EBF3: variants seen among roughly 807,000 people sequenced by gnomAD.
EBF3 encodes the protein EBF transcription factor 3.
In EBF3, 18 loss-of-function variants were observed where a neutral mutation model predicts 77.1. The observed-to-expected ratio is 0.23, with a 90% CI of 0.16 to 0.35. The LOEUF (loss-of-function observed/expected upper bound fraction) is 0.35. Among genes scored for constraint, EBF3 ranks in the 10% least tolerant of loss-of-function variants. EBF3 has a pLI of 1.00. For missense variants in EBF3, 558 were observed against 860.0 expected (o/e 0.65, Z 4.39); for synonymous variants, 350 against 343.5 (o/e 1.02, Z -0.21).
chr10:129,903,100 A>G (rs11592828), intron 6 of EBF3, among the ~76,000 whole-genome samples: 66,695 of 152,108 alleles, frequency 0.44, 15,021 homozygotes, highest in Admixed American at 0.5. Flanking sequence ...AAAGTCATAC[A>G]CACGTTTCAC....
At position 129,864,459 on chromosome 10, in the gene EBF3, G is replaced by A. The variant is rs1851855616; in HGVS notation, c.1039+2682C>T. Among the ~76,000 whole-genome samples, 1 of 152,200 alleles carries A rather than the reference G, an allele frequency of 6.6e-6. No homozygotes were observed. The highest frequency in any genetic ancestry group is 1.5e-5 in the Non-Finnish European group (1 of 68,040). ...GACAGCAGGCAAAGTGCAAAGAAAG[G>A]ACTGGACCTTTCAGCAATCTTCTTT... On this transcript the variant is annotated intron_variant, in intron 10 of 16. Coordinates refer to ENST00000440978, the MANE Select transcript of EBF3 (RefSeq NM_001375380.1). The surrounding 1 kb of genome is among the most constrained non-coding windows in gnomAD (Gnocchi z 4.4).
Position 129,952,064 on chromosome 10 carries a change from A to G in EBF3, c.554+5194T>C, listed in dbSNP as rs1858720728. On this transcript the variant is annotated intron_variant, in intron 6 of 16. Transcript: ENST00000440978. This position sits in a 1 kb window ranked among gnomAD's most constrained non-coding sequence, Gnocchi z 4.7. ...TTTGTAGCCACATCCATTCATCCAA[A>G]AGGTGTTTTAATATTGCCAAATTTC... 6.6e-6 allele frequency among the ~76,000 whole-genome samples: 1 copy of G among 152,178 alleles called. No homozygotes were observed. Among genetic ancestry groups the G allele is most frequent in the Non-Finnish European group, 1.5e-5 (1 of 68,022 alleles).
At chr10:129,932,899 T>C (rs1456718059) in intron 6 of EBF3, among the ~76,000 whole-genome samples, 5 of 149,632 alleles carry the variant, frequency 3.3e-5, no homozygotes, top group Non-Finnish European at 1.5e-5. Context: ...TTTTTCCTTT[T>C]TTTTTTTTTT....
In EBF3 at chr10:129,963,575, G is replaced by T; in HGVS notation, c.135-52C>A. The T allele has an allele frequency of 7.9e-7, 1 of 1,263,974 alleles. No individual in the cohort carries two copies. The highest frequency in any genetic ancestry group is 4.1e-5 in the Admixed American group (1 of 24,492). The allele number at this position is 1,263,974 out of a possible 1,614,324, so 78.3% of individuals were successfully genotyped here. Reference sequence around the variant, plus strand: ...GGTGAGGAGCGCGGCGCCGGCCGGCGGAGGGGGCCGGGCCGGGCCGGGGCC... The same window carrying T: ...GGTGAGGAGCGCGGCGCCGGCCGGCTGAGGGGGCCGGGCCGGGCCGGGGCC... On this transcript the variant is annotated intron_variant, in intron 1 of 16. Coordinates refer to ENST00000440978, the MANE Select transcript of EBF3 (RefSeq NM_001375380.1). The surrounding 1 kb of genome is among the most constrained non-coding windows in gnomAD (Gnocchi z 7.1).
At chr10:129,856,911 A>C (rs1021281868) in intron 10 of EBF3, among the ~76,000 whole-genome samples, 57 of 152,338 alleles carry the variant, frequency 3.7e-4, no homozygotes, top group African/African-American at 1.3e-3. Context: ...TGCCAGCTCC[A>C]TCTGTACTAA....
At chr10:129,953,187 G>T (rs534321120) in intron 6 of EBF3, among the ~76,000 whole-genome samples, 1 of 151,668 alleles carries the variant, frequency 6.6e-6, no homozygotes, top group African/African-American at 2.4e-5. Context: ...TGCAGGGTAG[G>T]GGGGGCGCAG....
At chr10:129,955,847 C>T (rs1564924160) in intron 6 of EBF3, among the ~76,000 whole-genome samples, 1 of 152,214 alleles carries the variant, frequency 6.6e-6, no homozygotes. Context: ...ACATGCACTG[C>T]CTTTTCAAGC....
At chr10:129,911,625 T>A (rs575732006) in intron 6 of EBF3, among the ~76,000 whole-genome samples, 2 of 151,148 alleles carry the variant, frequency 1.3e-5, no homozygotes, top group African/African-American at 4.9e-5. Flanking sequence ...GGAAGAGGGG[T>A]GAGGAGGGGC....
intron 6 of EBF3, among the ~76,000 whole-genome samples, chr10:129,888,544 G>C (rs372041386): frequency 6.6e-6 from 1 of 152,206 alleles, no homozygotes. Flanking sequence ...CTTTTGTGGA[G>C]GAAAGAAGGC....
At chr10:129,911,519 C>G (rs1855523578) in intron 6 of EBF3, among the ~76,000 whole-genome samples, 1 of 152,192 alleles carries the variant, frequency 6.6e-6, no homozygotes, top group African/African-American at 2.4e-5. Context: ...CCATCCCCAC[C>G]CAGGCCCCTG....
intron 7 of EBF3, among the ~76,000 whole-genome samples, chr10:129,875,569 AATGCCCTC>A (rs1005225254): frequency 1.3e-5 from 2 of 152,186 alleles, no homozygotes; most frequent in African/African-American, 2.4e-5. Flanking sequence ...ATCCCACCCA[AATGCCCTC>A]ATCGGGGGCA....
rs1425319211 is a variant in EBF3 at position 129,870,307 on chromosome 10, A to G, written c.782-2395T>C. On this transcript the variant is annotated intron_variant, in intron 8 of 16. Coordinates refer to ENST00000440978, the MANE Select transcript of EBF3 (RefSeq NM_001375380.1). This position sits in a 1 kb window ranked among gnomAD's most constrained non-coding sequence, Gnocchi z 4.4. Reference sequence around the variant, plus strand: ...GACAGCGTTAGAGATCTAATGATATACGCGCACAATACACTCAAGCAGATG... The same window carrying G: ...GACAGCGTTAGAGATCTAATGATATGCGCGCACAATACACTCAAGCAGATG... 6.6e-6 allele frequency among the ~76,000 whole-genome samples: 1 copy of G among 152,092 alleles called. No individual in the cohort carries two copies. The highest frequency in any genetic ancestry group is 2.4e-5 in the African/African-American group (1 of 41,420).
At position 129,963,228 on chromosome 10, in the gene EBF3, C is replaced by T. The variant is rs1859666141; in HGVS notation, c.291+139G>A. 43 of 1,283,768 alleles carry T rather than the reference C, an allele frequency of 3.3e-5. No homozygotes were observed. Among genetic ancestry groups the T allele is most frequent in the Non-Finnish European group, 3.4e-5 (33 of 979,862 alleles). 79.5% of individuals were successfully genotyped at this position (1,283,768 alleles called of 1,614,324 possible). On this transcript the variant is annotated intron_variant, in intron 2 of 16. Coordinates refer to ENST00000440978, the MANE Select transcript of EBF3 (RefSeq NM_001375380.1). This position sits in a 1 kb window ranked among gnomAD's most constrained non-coding sequence, Gnocchi z 7.1. ...TTGCCCAGCCCTCGGCGGTCCCGGG[C>T]GGCCGCACGTGGCGGCGGCGGGGTG...
intron 6 of EBF3, among the ~76,000 whole-genome samples, chr10:129,909,459 G>A (rs1193870937): frequency 2.0e-5 from 3 of 152,208 alleles, no homozygotes; most frequent in Non-Finnish European, 2.9e-5. Context: ...ACACTCCCTC[G>A]GAACAGCAGC....
chr10:129,869,064 G>A (rs576199558), intron 8 of EBF3, among the ~76,000 whole-genome samples: 2 of 152,290 alleles, frequency 1.3e-5, no homozygotes, highest in African/African-American at 4.8e-5. Context: ...TGGCCTCTTC[G>A]ATGTACAGGT....
chr10:129,947,518 A>AC lies in EBF3; in HGVS notation c.554+9739_554+9740insG, dbSNP rs1858316849. On this transcript the variant is annotated intron_variant, in intron 6 of 16. Coordinates refer to ENST00000440978, the MANE Select transcript of EBF3 (RefSeq NM_001375380.1). This position sits in a 1 kb window ranked among gnomAD's most constrained non-coding sequence, Gnocchi z 4.5. ...GGTGCAGTATATTTGCCTTCCCAAT[A>AC]ATTTAATCATTTTCCTTTTATGGCC... 6.6e-6 allele frequency among the ~76,000 whole-genome samples: 1 copy of AC among 152,154 alleles called. No homozygotes were observed. The highest frequency in any genetic ancestry group is 1.5e-5 in the Non-Finnish European group (1 of 68,038).
chr10:129,916,717 A>G (rs1308005865), intron 6 of EBF3, among the ~76,000 whole-genome samples: 3 of 152,176 alleles, frequency 2.0e-5, no homozygotes, highest in Non-Finnish European at 2.9e-5. Context: ...AGGGCCCCCA[A>G]TAATGGACCC....
intron 6 of EBF3, among the ~76,000 whole-genome samples, chr10:129,948,393 G>A (rs747050697): frequency 3.3e-5 from 5 of 152,046 alleles, no homozygotes; most frequent in Admixed American, 2.0e-4. Context: ...GGTGCCAGGG[G>A]TTCAGGAAAG....
In EBF3 at chr10:129,841,107, T is replaced by C; in HGVS notation, c.1373-75A>G. ...ACACTTGGGGGGGGTTCCCCGAGAA[T>C]CTATATCATATATTAACATTGCTAA... On this transcript the variant is annotated intron_variant, in intron 13 of 16. Coordinates refer to ENST00000440978, the MANE Select transcript of EBF3 (RefSeq NM_001375380.1). This position sits in a 1 kb window ranked among gnomAD's most constrained non-coding sequence, Gnocchi z 4.6. 6.4e-7 allele frequency: 1 copy of C among 1,557,156 alleles called. No individual in the cohort carries two copies. The highest frequency in any genetic ancestry group is 8.7e-7 in the Non-Finnish European group (1 of 1,150,980).
Sources: allele counts gnomAD v4.1 joint callset (sites outside exome capture counted in the v4.1 genomes callset), GRCh38; gene constraint gnomAD v4.1.1; non-coding constraint Gnocchi (gnomAD v3.1); transcripts MANE v1.5; gene names NCBI Gene and HGNC (gene_info 2026-07-23, HGNC 2026-07-21).